SYT16: variants seen among roughly 807,000 people sequenced by gnomAD.
The protein encoded by SYT16 is synaptotagmin 16, also known as synaptotagmin-16.
A neutral mutation model predicts 61.4 loss-of-function variants in SYT16; 42 were observed. The observed-to-expected ratio is 0.68, with a 90% CI of 0.53 to 0.89. The LOEUF (loss-of-function observed/expected upper bound fraction) is 0.89, where lower values mean the gene tolerates loss of function less well. Ranked by LOEUF, SYT16 falls within the 40% of genes least tolerant of loss-of-function variation. SYT16 has a pLI of 0.00. For synonymous variants in SYT16, 314 were observed against 302.3 expected (o/e 1.04, Z -0.40); for missense variants, 804 against 807.3 (o/e 1.00, Z 0.05).
chr14:61,837,335 C>G (rs1453305299), intron 1 of SYT16, among the ~76,000 whole-genome samples: 2 of 151,004 alleles, frequency 1.3e-5, no homozygotes, highest in Non-Finnish European at 1.5e-5. Context: ...CTCCTGGGCT[C>G]AAGTGATCCT....
chr14:61,867,437 C>T (rs1196480619), intron 1 of SYT16, among the ~76,000 whole-genome samples: 1 of 151,970 alleles, frequency 6.6e-6, no homozygotes, highest in Non-Finnish European at 1.5e-5. Flanking sequence ...GAGAATTTTG[C>T]TAGTTTGTCT....
At chr14:61,998,726 T>C (rs1054716525) in intron 3 of SYT16, among the ~76,000 whole-genome samples, 4 of 152,100 alleles carry the variant, frequency 2.6e-5, no homozygotes, top group Non-Finnish European at 2.9e-5. Flanking sequence ...AGAGTGAATA[T>C]CCTTGCCTCA....
chr14:62,036,951 T>C (rs72718569), intron 3 of SYT16, among the ~76,000 whole-genome samples: 16,825 of 152,084 alleles, frequency 0.11, 992 homozygotes, highest in South Asian at 0.25. Context: ...GGGGCTGAGA[T>C]GAACAAAGAG....
chr14:61,887,267 A>T (rs1468356191), intron 1 of SYT16, among the ~76,000 whole-genome samples: 1 of 152,172 alleles, frequency 6.6e-6, no homozygotes, highest in East Asian at 1.9e-4. Context: ...ATATTTAGTA[A>T]ACCATTCTAT....
At chr14:61,946,833 A>G (rs1295412297) in intron 1 of SYT16, among the ~76,000 whole-genome samples, 3 of 152,178 alleles carry the variant, frequency 2.0e-5, no homozygotes, top group Non-Finnish European at 2.9e-5. Flanking sequence ...GCAATTGTTT[A>G]GATTACAGAA....
intron 2 of SYT16, among the ~76,000 whole-genome samples, chr14:61,994,338 G>A (rs1238048045): frequency 1.3e-5 from 2 of 152,082 alleles, no homozygotes; most frequent in African/African-American, 4.8e-5. Context: ...GACTCACCTG[G>A]AGTACTTGCC....
chr14:61,876,761 A>G (rs1312432166), intron 1 of SYT16, among the ~76,000 whole-genome samples: 2 of 152,184 alleles, frequency 1.3e-5, no homozygotes, highest in Non-Finnish European at 2.9e-5. Flanking sequence ...GGAAGGGGAC[A>G]GCGCATTTCA....
intron 3 of SYT16, among the ~76,000 whole-genome samples, chr14:62,000,813 G>A (rs1417113917): frequency 6.6e-6 from 1 of 152,032 alleles, no homozygotes; most frequent in Non-Finnish European, 1.5e-5. Flanking sequence ...TGTTGCAACA[G>A]TATACTCAAT....
chr14:61,970,301 C>T lies in SYT16; in HGVS notation c.-155C>T, dbSNP rs1283098407. 1 of 152,196 alleles carries T rather than the reference C, an allele frequency of 6.6e-6. No homozygotes were observed. The highest frequency in any genetic ancestry group is 2.4e-5 in the African/African-American group (1 of 41,430). 9.4% of individuals were successfully genotyped at this position (152,196 alleles called of 1,614,324 possible). ...ATTCTAAAGACAAGACTGGGATTCA[C>T]AAGGGGCTGGGTAAGCATTATGCTT... On this transcript the variant is annotated 5_prime_UTR_variant, in exon 2 of 8. Transcript: ENST00000683842.
chr14:62,096,556 A>G (rs966476347), intron 7 of SYT16, among the ~76,000 whole-genome samples: 1 of 152,150 alleles, frequency 6.6e-6, no homozygotes, highest in Non-Finnish European at 1.5e-5. Context: ...CATAGAGATA[A>G]TATAAAAAAT....
At chr14:62,047,046 G>A (rs2055023756) in intron 3 of SYT16, among the ~76,000 whole-genome samples, 1 of 152,210 alleles carries the variant, frequency 6.6e-6, no homozygotes, top group South Asian at 2.1e-4. Flanking sequence ...ACCTTGGGCA[G>A]TATGGCCATT....
intron 1 of SYT16, among the ~76,000 whole-genome samples, chr14:61,925,379 C>G (rs190718819): frequency 5.3e-5 from 8 of 152,072 alleles, no homozygotes; most frequent in Admixed American, 2.6e-4. Flanking sequence ...AGAGGAAAAT[C>G]TTGGCATAGA....
chr14:61,893,450 A>T (rs561025744), intron 1 of SYT16, among the ~76,000 whole-genome samples: 257 of 152,312 alleles, frequency 1.7e-3, no homozygotes, highest in African/African-American at 6.0e-3. Flanking sequence ...GCATAAGTTA[A>T]GTTTCAGCTT....
At chr14:61,985,838 A>G (rs2052283462) in intron 2 of SYT16, among the ~76,000 whole-genome samples, 1 of 152,178 alleles carries the variant, frequency 6.6e-6, no homozygotes, top group Admixed American at 6.6e-5. Context: ...TATGGCTGCT[A>G]GATGCTACAA....
chr14:62,027,872 A>G (rs2054161717), intron 3 of SYT16, among the ~76,000 whole-genome samples: 1 of 152,094 alleles, frequency 6.6e-6, no homozygotes, highest in Admixed American at 6.6e-5. Context: ...GGAACTTTAT[A>G]TTTTGTGCAG....
At chr14:61,839,507 T>C (rs1246574264) in intron 1 of SYT16, among the ~76,000 whole-genome samples, 1 of 152,206 alleles carries the variant, frequency 6.6e-6, no homozygotes, top group Non-Finnish European at 1.5e-5. Context: ...AGGTAACCTA[T>C]ATGAGATGAT....
At chr14:62,057,793 T>G (rs2055631186) in intron 3 of SYT16, among the ~76,000 whole-genome samples, 1 of 152,200 alleles carries the variant, frequency 6.6e-6, no homozygotes, top group Non-Finnish European at 1.5e-5. Context: ...GAGGCACACT[T>G]GAAGTACAAT....
At chr14:62,098,343 T>A (rs2057331571) in intron 7 of SYT16, among the ~76,000 whole-genome samples, 2 of 152,218 alleles carry the variant, frequency 1.3e-5, no homozygotes, top group Non-Finnish European at 2.9e-5. Context: ...AGGAGAATAA[T>A]GTGTGCATGT....
intron 3 of SYT16, among the ~76,000 whole-genome samples, chr14:62,038,095 C>T (rs543156303): frequency 6.6e-6 from 1 of 152,142 alleles, no homozygotes; most frequent in African/African-American, 2.4e-5. Context: ...TATAGCTCCA[C>T]TCTGCCAGCT....
Sources: allele counts gnomAD v4.1 joint callset (sites outside exome capture counted in the v4.1 genomes callset), GRCh38; gene constraint gnomAD v4.1.1; transcripts MANE v1.5; gene names NCBI Gene and HGNC (gene_info 2026-07-23, HGNC 2026-07-21).